Variants in TTLL6 observed in about 807,000 individuals in gnomAD.
TTLL6 encodes tubulin polyglutamylase TTLL6.
Under a neutral mutation model 96.4 loss-of-function variants are expected in TTLL6, and 75 were observed. The observed-to-expected ratio is 0.78, with a 90% CI of 0.65 to 0.94. The LOEUF (loss-of-function observed/expected upper bound fraction) is 0.94. Among genes scored for constraint, TTLL6 ranks in the 40% least tolerant of loss-of-function variants. The probability of loss-of-function intolerance (pLI) is 0.00; values close to 1 mark genes in which losing one functional copy is unlikely to be tolerated. For synonymous variants in TTLL6, 411 were observed against 419.4 expected (o/e 0.98, Z 0.24); for missense variants, 1,030 against 1,093.0 (o/e 0.94, Z 0.81).
intron 8 of TTLL6, among the ~76,000 whole-genome samples, chr17:48,792,203 C>T (rs2039239088): frequency 1.3e-5 from 2 of 152,128 alleles, no homozygotes; most frequent in Admixed American, 6.6e-5. Flanking sequence ...ACCCCTCAGT[C>T]GTGGGCAAAC....
rs947075495 is a variant in TTLL6 at position 48,801,287 on chromosome 17, G to T, written c.579C>A (p.Arg193=). Residue 193 remains arginine, a synonymous_variant, in exon 5 of 16, where the codon CGC becomes CGA. Transcript: ENST00000393382. ...GAAGACACCAGGTCCTAGGGAAAAA[G>T]CGGAAATCTTTAGGGAACATCTTTA... The part of the protein sequence containing the change: ...RMLKMFPKDF[R]FFPRTWCLPA... The T allele has an allele frequency of 1.9e-6, 3 of 1,551,662 alleles. No individual in the cohort carries two copies. The African/African-American group carries it at 4.1e-5, about 21-fold the overall frequency.
chr17:48,789,878 G>C, intron 10 of TTLL6, 53 bp downstream of exon 10: 1 of 1,584,578 alleles, frequency 6.3e-7, no homozygotes, highest in South Asian at 1.2e-5. Flanking sequence ...ATTCTTATTG[G>C]GAGCAGGGGA....
At chr17:48,785,309 G>C in intron 12 of TTLL6, 108 bp from the exon 13 acceptor site, 2 of 1,500,202 alleles carry the variant, frequency 1.3e-6, no homozygotes, top group Non-Finnish European at 1.8e-6. Flanking sequence ...GAGAAGGAAA[G>C]CAGTCGATAG....
chr17:48,775,741 A>G (rs2038857437), intron 13 of TTLL6, among the ~76,000 whole-genome samples: 1 of 151,996 alleles, frequency 6.6e-6, no homozygotes, highest in Non-Finnish European at 1.5e-5. Flanking sequence ...GGGTTTCTCC[A>G]TGTTGGTCAG....
At chr17:48,808,025 A>C (rs1322661008) in intron 1 of TTLL6, among the ~76,000 whole-genome samples, 1 of 151,496 alleles carries the variant, frequency 6.6e-6, no homozygotes, top group African/African-American at 2.4e-5. Flanking sequence ...CTTTGAGTAG[A>C]GTCGGGGTTT....
chr17:48,805,356 G>C (rs1014528928), intron 1 of TTLL6, among the ~76,000 whole-genome samples: 1 of 152,216 alleles, frequency 6.6e-6, no homozygotes, highest in African/African-American at 2.4e-5. Context: ...GTTAGTCCTA[G>C]AGGGTGCAGG....
At chr17:48,797,347 G>T in intron 6 of TTLL6, 143 bp from the exon 7 acceptor site, 1 of 863,904 alleles carries the variant, frequency 1.2e-6, no homozygotes, top group Non-Finnish European at 1.7e-6. Context: ...GTCAGAGAGA[G>T]GAACAAGGAG....
At chr17:48,786,382 G>A in intron 11 of TTLL6, 47 bp from the exon 12 acceptor site, 1 of 1,609,346 alleles carries the variant, frequency 6.2e-7, no homozygotes, top group Non-Finnish European at 8.5e-7. Flanking sequence ...GAAATGCGCT[G>A]CGCAGGCAGG....
At position 48,762,697 on chromosome 17, in the gene TTLL6, T is replaced by C; in HGVS notation, c.*277A>G. 3.8e-6 allele frequency: 1 copy of C among 264,170 alleles called. No individual in the cohort carries two copies. Among genetic ancestry groups the C allele is most frequent in the Non-Finnish European group, 7.5e-6 (1 of 133,426 alleles). The allele number at this position is 264,170 out of a possible 1,614,324, so 16.4% of individuals were successfully genotyped here. On this transcript the variant is annotated 3_prime_UTR_variant, in exon 16 of 16. Transcript: ENST00000393382. Reference sequence around the variant, plus strand: ...GTGCCATGTGAAGAACCCAGAGAAGTGCCACTGGTACGGCAACTGGAGTGT... The same window carrying C: ...GTGCCATGTGAAGAACCCAGAGAAGCGCCACTGGTACGGCAACTGGAGTGT...
At chr17:48,795,708 C>T (rs952275155) in intron 8 of TTLL6, among the ~76,000 whole-genome samples, 7 of 152,136 alleles carry the variant, frequency 4.6e-5, no homozygotes, top group East Asian at 1.9e-4. Flanking sequence ...GTCCTTCTCA[C>T]GTGGCAGACT....
At chr17:48,804,157 G>C (rs936922970) in intron 2 of TTLL6, 9 of 603,222 alleles carry the variant, frequency 1.5e-5, no homozygotes, top group East Asian at 2.9e-5. Flanking sequence ...TAGAAATTCT[G>C]TATTGCAATT....
intron 1 of TTLL6, among the ~76,000 whole-genome samples, chr17:48,814,311 A>T: frequency 1.0e-5 from 1 of 99,820 alleles, no homozygotes; most frequent in Admixed American, 1.5e-4. Context: ...AGAGGGAGAC[A>T]GTGTCTCAAA....
chr17:48,769,867 G>A lies in TTLL6; in HGVS notation c.2271C>T (p.Asn757=), dbSNP rs768222372. Residue 757 remains asparagine (N), a synonymous_variant, in exon 14 of 16, where the codon AAC becomes AAT. Coordinates refer to ENST00000393382, the MANE Select transcript of TTLL6 (RefSeq NM_001130918.3). ...TKSKSFWESP[N]TNWTLLKSDM... ...CACTCTTTAGCAAAGTCCAGTTTGT[G>A]TTCGGACTCTCCCAGAAGCTCTTGG... 2.5e-6 allele frequency: 4 copies of A among 1,614,120 alleles called. No homozygotes were observed. In the Admixed American group the frequency reaches 5.0e-5, roughly 20 times the overall value.
chr17:48,799,525 T>G lies in TTLL6; in HGVS notation c.768+79A>C, dbSNP rs896933273. ...ACCTCCACCTTCACCCTCCATCCCC[T>G]CATTTCACATTCTGTCCAGTGGAGC... On this transcript the variant is annotated intron_variant, in intron 6 of 15. Coordinates refer to ENST00000393382, the MANE Select transcript of TTLL6 (RefSeq NM_001130918.3). 5 of 1,417,242 alleles carry G rather than the reference T, an allele frequency of 3.5e-6. No individual in the cohort carries two copies. The African/African-American group carries it at 5.7e-5, about 16-fold the overall frequency. 87.8% of individuals were successfully genotyped at this position (1,417,242 alleles called of 1,614,324 possible).
At chr17:48,813,524 A>T (rs1157210221) in intron 1 of TTLL6, among the ~76,000 whole-genome samples, 2 of 152,158 alleles carry the variant, frequency 1.3e-5, no homozygotes, top group Non-Finnish European at 2.9e-5. Flanking sequence ...ACACAACTGC[A>T]CTCCAGCCTG....
intron 2 of TTLL6, chr17:48,804,177 C>A: frequency 1.7e-6 from 1 of 584,518 alleles, no homozygotes; most frequent in Non-Finnish European, 3.1e-6. Context: ...TACAGCTGAT[C>A]TTGCTTGCAG....
At position 48,767,134 on chromosome 17, in the gene TTLL6, ACCT is replaced by A. The variant is rs1271871326; in HGVS notation, c.*1852_*1854del. 2.0e-5 allele frequency among the ~76,000 whole-genome samples: 3 copies of A among 151,952 alleles called. No homozygotes were observed. In the East Asian group the frequency reaches 5.8e-4, roughly 29 times the overall value. On this transcript the variant is annotated intron_variant, in intron 15 of 15. Transcript: ENST00000393382. ...TGGCTAGGCTGTTCTCAAACTCCTG[ACCT>A]AGTGATCTGCCCACCTCGGCCTCCC...
Position 48,803,919 on chromosome 17 carries a change from G to C in TTLL6, c.333C>G (p.Ile111Met). 11 of 1,551,914 alleles carry C rather than the reference G, an allele frequency of 7.1e-6. No individual in the cohort carries two copies. Among genetic ancestry groups the C allele is most frequent in the Non-Finnish European group, 7.8e-6 (9 of 1,147,058 alleles). Residue 111 changes from isoleucine (I) to methionine (M), a missense_variant, in exon 3 of 16, where the codon ATC (isoleucine) becomes ATG (methionine). By Grantham distance (10) the Ile-to-Met change is conservative. Transcript: ENST00000393382. ...KKKRKKKRLV[I>M]NLSSCRYESV... ...TCTCATACCGGCAGCTGGATAGATT[G>C]ATCACCAATCATCTGGAAAAGAGAA...
intron 15 of TTLL6, among the ~76,000 whole-genome samples, chr17:48,767,707 TGGA>T (rs1032279711): frequency 6.6e-6 from 1 of 152,210 alleles, no homozygotes; most frequent in Non-Finnish European, 1.5e-5. Context: ...CTCTATGTTG[TGGA>T]GTTCTCCGAA....
Sources: allele counts gnomAD v4.1 joint callset (sites outside exome capture counted in the v4.1 genomes callset), GRCh38; gene constraint gnomAD v4.1.1; transcripts MANE v1.5; gene names NCBI Gene and HGNC (gene_info 2026-07-23, HGNC 2026-07-21).